Variants in NRG1 observed in about 807,000 individuals in gnomAD.
The protein encoded by NRG1 is neuregulin 1, also known as pro-neuregulin-1, membrane-bound isoform.
Under a neutral mutation model 63.8 loss-of-function variants are expected in NRG1, and 18 were observed. The ratio of observed to expected loss-of-function variants is 0.28; its 90% CI spans 0.19 to 0.42. The LOEUF (loss-of-function observed/expected upper bound fraction) is 0.42. Ranked by LOEUF, NRG1 falls within the 10% of genes least tolerant of loss-of-function variation. The probability of loss-of-function intolerance (pLI) is 1.00; values close to 1 mark genes in which losing one functional copy is unlikely to be tolerated. For synonymous variants in NRG1, 302 were observed against 301.3 expected (o/e 1.00, Z -0.02); for missense variants, 762 against 814.7 (o/e 0.94, Z 0.79).
chr8:32,038,829 C>A (rs1252212835), intron 1 of NRG1, among the ~76,000 whole-genome samples: 1 of 152,042 alleles, frequency 6.6e-6, no homozygotes, highest in Non-Finnish European at 1.5e-5. Context: ...GCTAGCCCCA[C>A]CTGTTGTTCA....
At chr8:31,653,025 C>T (rs1805050991) in intron 1 of NRG1, among the ~76,000 whole-genome samples, 1 of 117,456 alleles carries the variant, frequency 8.5e-6, no homozygotes, top group Non-Finnish European at 1.8e-5. Flanking sequence ...CTCCCCTCCC[C>T]TTCTCTCCCC....
chr8:31,860,778 T>C (rs1828402506), intron 1 of NRG1, among the ~76,000 whole-genome samples: 1 of 152,204 alleles, frequency 6.6e-6, no homozygotes, highest in Non-Finnish European at 1.5e-5. Flanking sequence ...TCCATTCAAA[T>C]AATTGTCTCA....
At chr8:32,056,093 T>A (rs1167743207) in intron 1 of NRG1, among the ~76,000 whole-genome samples, 1 of 152,136 alleles carries the variant, frequency 6.6e-6, no homozygotes, top group African/African-American at 2.4e-5. Context: ...CAAATTGTAA[T>A]CAGAATGCCA....
chr8:31,692,480 A>G (rs1278780867), intron 1 of NRG1, among the ~76,000 whole-genome samples: 1 of 152,218 alleles, frequency 6.6e-6, no homozygotes, highest in Non-Finnish European at 1.5e-5. Context: ...AAATATACAT[A>G]TAAACAGTTT....
chr8:32,026,407 A>C (rs1817387691), intron 1 of NRG1: 1 of 152,162 alleles, frequency 6.6e-6, no homozygotes, highest in East Asian at 1.9e-4. Context: ...AGAAGGGCTT[A>C]CATGGGTCTT....
At chr8:32,706,194 C>G (rs983602957) in intron 5 of NRG1, among the ~76,000 whole-genome samples, 1 of 152,146 alleles carries the variant, frequency 6.6e-6, no homozygotes, top group African/African-American at 2.4e-5. Flanking sequence ...TAGTAGAGAC[C>G]AAAGGTCTGT....
At chr8:31,856,277 C>T (rs1290410998) in intron 1 of NRG1, among the ~76,000 whole-genome samples, 1 of 152,188 alleles carries the variant, frequency 6.6e-6, no homozygotes, top group Non-Finnish European at 1.5e-5. Flanking sequence ...GGTCTTTTCA[C>T]ATAGTCCCAT....
intron 1 of NRG1, among the ~76,000 whole-genome samples, chr8:31,899,874 C>T (rs1000919892): frequency 6.6e-5 from 10 of 152,170 alleles, no homozygotes; most frequent in East Asian, 1.9e-4. Context: ...GATAATAAGA[C>T]GAATGGAAGA....
At chr8:32,290,683 C>A (rs1301090796) in intron 1 of NRG1, among the ~76,000 whole-genome samples, 2 of 152,162 alleles carry the variant, frequency 1.3e-5, no homozygotes, top group Non-Finnish European at 2.9e-5. Context: ...CTTCTGCCGA[C>A]CCACAGAAGC....
intron 1 of NRG1, among the ~76,000 whole-genome samples, chr8:31,841,072 T>C (rs1159885281): frequency 2.6e-5 from 4 of 152,192 alleles, no homozygotes; most frequent in African/African-American, 9.7e-5. Flanking sequence ...CTTCTGGTTA[T>C]TGTATTTGTG....
chr8:32,176,701 T>A (rs1436273409), intron 1 of NRG1, among the ~76,000 whole-genome samples: 1 of 152,158 alleles, frequency 6.6e-6, no homozygotes, highest in African/African-American at 2.4e-5. Flanking sequence ...AGAAGACATT[T>A]ATGCAACCAA....
At chr8:32,152,733 A>T (rs1837637833) in intron 1 of NRG1, among the ~76,000 whole-genome samples, 2 of 152,230 alleles carry the variant, frequency 1.3e-5, no homozygotes, top group South Asian at 4.1e-4. Flanking sequence ...CACAAAAAAA[A>T]GCATCACATG....
chr8:32,096,227 A>G (rs548165888), intron 1 of NRG1, among the ~76,000 whole-genome samples: 2 of 152,362 alleles, frequency 1.3e-5, no homozygotes, highest in South Asian at 2.1e-4. Flanking sequence ...TCAAAAGATT[A>G]CAATGGTTGT....
intron 1 of NRG1, among the ~76,000 whole-genome samples, chr8:32,051,697 T>C (rs1473900401): frequency 6.6e-6 from 1 of 151,284 alleles, no homozygotes; most frequent in East Asian, 1.9e-4. Context: ...GTTCAGGAAC[T>C]ACAACAACAA....
At chr8:32,443,127 G>A (rs1429909200) in intron 1 of NRG1, among the ~76,000 whole-genome samples, 3 of 151,942 alleles carry the variant, frequency 2.0e-5, no homozygotes, top group Non-Finnish European at 4.4e-5. Flanking sequence ...CATTTTTGTA[G>A]AGATAGGATT....
intron 1 of NRG1, among the ~76,000 whole-genome samples, chr8:31,699,166 C>T (rs1237808425): frequency 6.7e-6 from 1 of 148,682 alleles, no homozygotes; most frequent in Admixed American, 6.9e-5. Flanking sequence ...TTGCATTCAT[C>T]ATTTACTAAA....
intron 1 of NRG1, among the ~76,000 whole-genome samples, chr8:31,956,092 T>C (rs1489143957): frequency 6.7e-6 from 1 of 149,824 alleles, no homozygotes; most frequent in Non-Finnish European, 1.5e-5. Flanking sequence ...CTTGGAAAAG[T>C]CTATAGCTTC....
chr8:31,991,530 C>T (rs1344925557), intron 1 of NRG1, among the ~76,000 whole-genome samples: 2 of 151,866 alleles, frequency 1.3e-5, no homozygotes, highest in African/African-American at 4.8e-5. Flanking sequence ...CAGTTTAATA[C>T]AAGTGTGTTA....
chr8:32,147,448 G>A (rs1414483099), intron 1 of NRG1, among the ~76,000 whole-genome samples: 2 of 152,150 alleles, frequency 1.3e-5, no homozygotes, highest in African/African-American at 2.4e-5. Flanking sequence ...AAATGTATAG[G>A]TGTATTGATT....
Sources: gnomAD v4.1 joint callset for allele counts (sites outside exome capture counted in the v4.1 genomes callset) on GRCh38, gnomAD v4.1.1 for gene constraint, MANE v1.5 for transcripts, NCBI Gene and HGNC (gene_info 2026-07-23, HGNC 2026-07-21) for gene names.